NDRG3: variants seen among roughly 807,000 people sequenced by gnomAD.
The protein encoded by NDRG3 is NDRG family member 3, also known as protein NDRG3.
A neutral mutation model predicts 57.2 loss-of-function variants in NDRG3; 23 were observed. The observed-to-expected ratio is 0.40, with a 90% CI of 0.29 to 0.57. The LOEUF is 0.57. Ranked by LOEUF, NDRG3 falls within the 20% of genes least tolerant of loss-of-function variation. The pLI, the probability that NDRG3 is intolerant of heterozygous loss-of-function variation, is 0.42. For missense variants in NDRG3, 384 were observed against 457.3 expected, an observed-to-expected ratio of 0.84 and a Z score of 1.46; for synonymous variants, 132 against 162.6, an observed-to-expected ratio of 0.81 and a Z score of 1.43.
intron 3 of NDRG3, among the ~76,000 whole-genome samples, chr20:36,693,105 AATAT>A (rs1290033865): frequency 0.014 from 362 of 25,838 alleles, 4 homozygotes; most frequent in East Asian, 0.034. Flanking sequence ...AAAAAAAAAA[AATAT>A]ATATATATAT....
At chr20:36,665,499 A>G (rs188605247) in intron 10 of NDRG3, among the ~76,000 whole-genome samples, 198 bp from the exon 11 acceptor site, 1 of 152,290 alleles carries the variant, frequency 6.6e-6, no homozygotes, top group Non-Finnish European at 1.5e-5. Flanking sequence ...AGCAGGAAGG[A>G]AGCTCTTGGC....
intron 12 of NDRG3, 89 bp from the exon 13 acceptor site, chr20:36,660,473 T>C: frequency 2.2e-6 from 2 of 905,052 alleles, no homozygotes; most frequent in Non-Finnish European, 3.6e-6. Flanking sequence ...TCTTGCAAGA[T>C]CAACAGCTCA....
intron 1 of NDRG3, among the ~76,000 whole-genome samples, chr20:36,736,665 C>G (rs983649387): frequency 3.3e-5 from 5 of 152,094 alleles, no homozygotes; most frequent in Admixed American, 6.6e-5. Flanking sequence ...CCTGGGGGCC[C>G]TTAGGAAAGC....
chr20:36,676,198 C>A (rs1408009324), intron 8 of NDRG3, among the ~76,000 whole-genome samples: 1 of 151,892 alleles, frequency 6.6e-6, no homozygotes, highest in Non-Finnish European at 1.5e-5. Context: ...CGAGATAGTG[C>A]CACTGCACTC....
chr20:36,735,530 G>A (rs1455623731), intron 1 of NDRG3, among the ~76,000 whole-genome samples: 1 of 152,120 alleles, frequency 6.6e-6, no homozygotes, highest in African/African-American at 2.4e-5. Flanking sequence ...CATACACTCA[G>A]AGCTAATGAA....
chr20:36,739,276 G>A (rs1337396804), intron 1 of NDRG3, among the ~76,000 whole-genome samples: 2 of 147,398 alleles, frequency 1.4e-5, no homozygotes, highest in East Asian at 2.1e-4. Context: ...GTGAAACCTC[G>A]TCTCTACTAA....
intron 2 of NDRG3, among the ~76,000 whole-genome samples, chr20:36,717,498 A>T (rs1984344063): frequency 6.6e-6 from 1 of 152,222 alleles, no homozygotes; most frequent in South Asian, 2.1e-4. Flanking sequence ...CATCTATAGG[A>T]TTAACACAGT....
At chr20:36,658,261 A>G (rs1293370907) in intron 13 of NDRG3, among the ~76,000 whole-genome samples, 2 of 152,302 alleles carry the variant, frequency 1.3e-5, no homozygotes, top group East Asian at 1.9e-4. Flanking sequence ...TCTCTGGAGT[A>G]GCTGGGATTA....
chr20:36,721,406 G>A (rs1400511597), intron 2 of NDRG3, among the ~76,000 whole-genome samples: 1 of 151,852 alleles, frequency 6.6e-6, no homozygotes, highest in African/African-American at 2.4e-5. Flanking sequence ...ACACGTGCCT[G>A]TAATCTCAGC....
chr20:36,694,012 T>C (rs1269648543), intron 3 of NDRG3, among the ~76,000 whole-genome samples: 1 of 152,054 alleles, frequency 6.6e-6, no homozygotes, highest in Non-Finnish European at 1.5e-5. Flanking sequence ...TACAATAAAG[T>C]AAGCTAAAGA....
At chr20:36,744,243 T>C (rs887021297) in intron 1 of NDRG3, among the ~76,000 whole-genome samples, 6 of 152,126 alleles carry the variant, frequency 3.9e-5, no homozygotes, top group African/African-American at 1.4e-4. Context: ...TCTGCAAGTT[T>C]TCAAAAACAA....
intron 9 of NDRG3, among the ~76,000 whole-genome samples, chr20:36,671,130 GCTGTCTTCTC>G (rs1980114359): frequency 6.6e-6 from 1 of 152,210 alleles, no homozygotes; most frequent in African/African-American, 2.4e-5. Context: ...AGCAGGAGAT[GCTGTCTTCTC>G]TCATAGCTCC....
chr20:36,743,902 C>CTTTTT (rs1188148076), intron 1 of NDRG3, among the ~76,000 whole-genome samples: 3 of 119,024 alleles, frequency 2.5e-5, no homozygotes, highest in Non-Finnish European at 5.1e-5. Flanking sequence ...CATAAACAAG[C>CTTTTT]TTTTTTTTTT....
At chr20:36,709,901 G>A (rs1983765374) in intron 2 of NDRG3, among the ~76,000 whole-genome samples, 1 of 151,496 alleles carries the variant, frequency 6.6e-6, no homozygotes, top group Non-Finnish European at 1.5e-5. Flanking sequence ...TAAAATTTTG[G>A]GTTAAAAAAA....
chr20:36,744,312 G>A lies in NDRG3; in HGVS notation c.-49+1733C>T, dbSNP rs367549267. Among the ~76,000 whole-genome samples, 142 of 152,216 alleles carry A rather than the reference G, an allele frequency of 9.3e-4. 1 individual carries two copies. The South Asian group carries it at 0.028, about 30-fold the overall frequency. On this transcript the variant is annotated intron_variant, in intron 1 of 15. Transcript: ENST00000349004. Reference sequence around the variant, plus strand: ...TGATGACAAGTTTAATCTGAAGGAAGAGACAAGCAAAGAGAAACTGAAGGG... The same window carrying A: ...TGATGACAAGTTTAATCTGAAGGAAAAGACAAGCAAAGAGAAACTGAAGGG...
chr20:36,740,786 C>T (rs1985892015), intron 1 of NDRG3, among the ~76,000 whole-genome samples: 1 of 152,124 alleles, frequency 6.6e-6, no homozygotes. Flanking sequence ...GTATAACATG[C>T]AAAACACCCT....
At chr20:36,697,667 C>A (rs1982909378) in intron 3 of NDRG3, among the ~76,000 whole-genome samples, 1 of 150,152 alleles carries the variant, frequency 6.7e-6, no homozygotes, top group Non-Finnish European at 1.5e-5. Flanking sequence ...AAGACCGTGC[C>A]ATCGCACTCC....
At chr20:36,712,587 A>ATATATATATATATTTTTT in intron 2 of NDRG3, among the ~76,000 whole-genome samples, 1 of 5,912 alleles carries the variant, frequency 1.7e-4, no homozygotes, top group Non-Finnish European at 3.1e-4. Flanking sequence ...ATATATATAT[A>ATATATATATATATTTTTT]TTTTTTTTTT....
chr20:36,744,716 G>C lies in NDRG3; in HGVS notation c.-49+1329C>G, dbSNP rs187099420. On this transcript the variant is annotated intron_variant, in intron 1 of 15. Transcript: ENST00000349004. ...CATTTGGAACTTTAAATCATGGGAGGCTTCTTAAATTCAGCACCACTCTAT... is the reference window on the plus strand; with the variant it reads ...CATTTGGAACTTTAAATCATGGGAGCCTTCTTAAATTCAGCACCACTCTAT... Among the ~76,000 whole-genome samples, 14 of 152,278 alleles carry C rather than the reference G, an allele frequency of 9.2e-5. No individual in the cohort carries two copies. The East Asian group carries it at 2.7e-3, about 29-fold the overall frequency.
Sources: allele counts gnomAD v4.1 joint callset (sites outside exome capture counted in the v4.1 genomes callset), GRCh38; gene constraint gnomAD v4.1.1; transcripts MANE v1.5; gene names NCBI Gene and HGNC (gene_info 2026-07-23, HGNC 2026-07-21).